The following XNDC1N variants were observed in gnomAD, a reference collection of about 807,000 sequenced individuals.
XNDC1N encodes the protein XRCC1 N-terminal domain containing 1, N-terminal like, also known as protein XNDC1N.
chr11:71,881,525 C>T, the XNDC1N span, among the ~76,000 whole-genome samples: 1 of 152,028 alleles, frequency 6.6e-6, no homozygotes, highest in Non-Finnish European at 1.5e-5. Context: ...CCTCTTATGG[C>T]ATTTTTTTGT....
the XNDC1N span, among the ~76,000 whole-genome samples, chr11:71,892,673 G>A: frequency 6.6e-6 from 1 of 151,458 alleles, no homozygotes; most frequent in Admixed American, 6.6e-5. Context: ...CAGCCACCAT[G>A]CCCGGCTAAT....
chr11:71,890,130 A>C, the XNDC1N span, among the ~76,000 whole-genome samples: 2 of 152,174 alleles, frequency 1.3e-5, no homozygotes, highest in Non-Finnish European at 2.9e-5. Flanking sequence ...ATTTAAAACA[A>C]CACCACAAGG....
the XNDC1N span, among the ~76,000 whole-genome samples, chr11:71,876,115 C>G: frequency 1.3e-5 from 2 of 152,168 alleles, no homozygotes; most frequent in Non-Finnish European, 2.9e-5. Context: ...GCTGTCAGTA[C>G]TGCTGAAGGC....
chr11:71,907,519 T>A, the XNDC1N span, among the ~76,000 whole-genome samples: 1 of 151,996 alleles, frequency 6.6e-6, no homozygotes. Context: ...CTGTTTAACA[T>A]ATTGTGAGTA....
chr11:71,870,626 C>G, the XNDC1N span, among the ~76,000 whole-genome samples: 1 of 152,064 alleles, frequency 6.6e-6, no homozygotes, highest in Non-Finnish European at 1.5e-5. Flanking sequence ...TATTTGCAAG[C>G]CATACATCTG....
At chr11:71,908,629 G>A in the XNDC1N span, among the ~76,000 whole-genome samples, 133 of 152,102 alleles carry the variant, frequency 8.7e-4, no homozygotes, top group African/African-American at 2.6e-3. Flanking sequence ...CACCTGTGTC[G>A]ACCTTCTCAA....
chr11:71,899,470 T>A, the XNDC1N span, among the ~76,000 whole-genome samples: 6 of 152,192 alleles, frequency 3.9e-5, no homozygotes, highest in African/African-American at 1.4e-4. Context: ...AACAATTGCT[T>A]TGCTGAGATG....
the XNDC1N span, among the ~76,000 whole-genome samples, chr11:71,922,634 T>C: frequency 6.6e-6 from 1 of 152,216 alleles, no homozygotes; most frequent in Non-Finnish European, 1.5e-5. Context: ...GGGGATGTTT[T>C]TGACTGTCAC....
chr11:71,893,100 C>T, the XNDC1N span, among the ~76,000 whole-genome samples: 1 of 152,148 alleles, frequency 6.6e-6, no homozygotes, highest in Non-Finnish European at 1.5e-5. Flanking sequence ...TAATTTCTTT[C>T]AATTAGACTG....
chr11:71,876,106 CTGTCAGTACTGCTGAAGGCAGG>C, the XNDC1N span, among the ~76,000 whole-genome samples: 1 of 152,134 alleles, frequency 6.6e-6, no homozygotes, highest in Non-Finnish European at 1.5e-5. Flanking sequence ...GTCCCCAAAG[CTGTCAGTACTGCTGAAGGCAGG>C]AAAGGAAGGT....
At chr11:71,884,445 T>A in the XNDC1N span, 1 of 1,606,236 alleles carries the variant, frequency 6.2e-7, no homozygotes, top group Non-Finnish European at 8.5e-7. Context: ...TCCTTCAGAA[T>A]ATTATCATTG....
the XNDC1N span, among the ~76,000 whole-genome samples, chr11:71,900,781 G>T: frequency 6.6e-6 from 1 of 152,160 alleles, no homozygotes; most frequent in East Asian, 1.9e-4. Flanking sequence ...CATTTCATCT[G>T]CGTAGTCTCC....
At chr11:71,912,933 T>A in the XNDC1N span, among the ~76,000 whole-genome samples, 1 of 152,110 alleles carries the variant, frequency 6.6e-6, no homozygotes, top group Non-Finnish European at 1.5e-5. Context: ...GGGAACAACA[T>A]CACAAGTGGG....
the XNDC1N span, among the ~76,000 whole-genome samples, chr11:71,889,365 C>T: frequency 6.6e-5 from 10 of 152,174 alleles, no homozygotes; most frequent in East Asian, 3.9e-4. Context: ...GCTGGGTTTG[C>T]GGAATTCCCG....
At chr11:71,919,899 G>C in the XNDC1N span, among the ~76,000 whole-genome samples, 1 of 135,930 alleles carries the variant, frequency 7.4e-6, no homozygotes, top group Non-Finnish European at 1.5e-5. Flanking sequence ...TTACAGGCGT[G>C]AGCCACCGCG....
chr11:71,905,997 G>A, the XNDC1N span, among the ~76,000 whole-genome samples: 3 of 151,858 alleles, frequency 2.0e-5, no homozygotes, highest in South Asian at 6.2e-4. Flanking sequence ...ATCACACGGT[G>A]TACACCCCTG....
the XNDC1N span, chr11:71,917,001 A>ATATTAT: frequency 0.028 from 4,855 of 176,072 alleles, 58 homozygotes; most frequent in East Asian, 0.05. Context: ...CCACAAAAAC[A>ATATTAT]TATTATTGTT....
At chr11:71,920,249 T>A in the XNDC1N span, among the ~76,000 whole-genome samples, 1 of 151,358 alleles carries the variant, frequency 6.6e-6, no homozygotes, top group East Asian at 2.0e-4. Flanking sequence ...TGAGCCACCG[T>A]GCCCGGCCCA....
the XNDC1N span, among the ~76,000 whole-genome samples, chr11:71,885,267 T>C: frequency 1.3e-5 from 2 of 152,118 alleles, no homozygotes; most frequent in African/African-American, 4.8e-5. Context: ...TGGGGGTGTG[T>C]CCACCTTCTG....
Sources: gnomAD v4.1 joint callset for allele counts (sites outside exome capture counted in the v4.1 genomes callset) on GRCh38, gnomAD v4.1.1 for gene constraint, MANE v1.5 for transcripts, NCBI Gene and HGNC (gene_info 2026-07-23, HGNC 2026-07-21) for gene names.